Variants in SCYL2 observed in about 807,000 individuals in gnomAD.
The protein encoded by SCYL2 is SCY1-like protein 2.
In SCYL2, 36 loss-of-function variants were observed where a neutral mutation model predicts 100.4. The ratio of observed to expected loss-of-function variants is 0.36; its 90% confidence interval spans 0.27 to 0.47. The LOEUF is 0.47. Among genes scored for constraint, SCYL2 ranks in the 20% least tolerant of loss-of-function variants. The pLI is 1.00. For missense variants in SCYL2, 902 were observed against 1,083.9 expected (o/e 0.83, Z 2.36); for synonymous variants, 330 against 359.2 (o/e 0.92, Z 0.92).
chr12:100,317,549 G>C, intron 9 of SCYL2: 1 of 745,748 alleles, frequency 1.3e-6, no homozygotes, highest in African/African-American at 1.8e-5. Flanking sequence ...GCAAGTGATA[G>C]ATTACTGTAG....
intron 4 of SCYL2, among the ~76,000 whole-genome samples, chr12:100,308,292 G>C (rs1445911430): frequency 6.6e-6 from 1 of 152,176 alleles, no homozygotes; most frequent in Non-Finnish European, 1.5e-5. Context: ...ATACACCATG[G>C]AATACTATGC....
At chr12:100,272,547 T>C (rs914624081) in intron 1 of SCYL2, among the ~76,000 whole-genome samples, 5 of 152,186 alleles carry the variant, frequency 3.3e-5, no homozygotes, top group Admixed American at 6.5e-5. Context: ...TTCTAAGTTT[T>C]TGGCCTGCAT....
chr12:100,301,106 A>T (rs192740371), intron 4 of SCYL2, among the ~76,000 whole-genome samples: 1 of 152,202 alleles, frequency 6.6e-6, no homozygotes, highest in Non-Finnish European at 1.5e-5. Flanking sequence ...ACTAATTTAC[A>T]TCCCCGCCAA....
intron 3 of SCYL2, among the ~76,000 whole-genome samples, chr12:100,292,430 A>G (rs753113607): frequency 1.3e-5 from 2 of 152,112 alleles, no homozygotes; most frequent in Non-Finnish European, 2.9e-5. Context: ...AGGACACAGA[A>G]CTGGCAGGGT....
intron 3 of SCYL2, among the ~76,000 whole-genome samples, chr12:100,294,467 G>T (rs1372762285): frequency 8.7e-6 from 1 of 115,126 alleles, no homozygotes. Flanking sequence ...CCGGGCAGAG[G>T]CGCCCCTCAC....
intron 1 of SCYL2, among the ~76,000 whole-genome samples, chr12:100,271,947 G>A (rs1192062108): frequency 1.3e-5 from 2 of 152,196 alleles, no homozygotes; most frequent in Non-Finnish European, 2.9e-5. Context: ...AGGACTGAAA[G>A]AATTGCCAGT....
chr12:100,284,085 C>G (rs2096301880), intron 2 of SCYL2, among the ~76,000 whole-genome samples: 1 of 152,174 alleles, frequency 6.6e-6, no homozygotes, highest in Non-Finnish European at 1.5e-5. Flanking sequence ...GATTCTAGCA[C>G]AAATTGCTTT....
Position 100,283,088 on chromosome 12 carries a change from A to G in SCYL2, c.118A>G (p.Ser40Gly). 1 of 1,613,076 alleles carries G rather than the reference A, an allele frequency of 6.2e-7. No individual in the cohort carries two copies. Among genetic ancestry groups the G allele is most frequent in the Middle Eastern group, 1.6e-4 (1 of 6,062 alleles). The change falls in exon 2 of 18, where the codon AGT becomes GGT. Residue 40 changes from serine to glycine, a missense_variant. Transcript: ENST00000360820. ...REFDVGRHIA[S>G]GGNGLAWKIF... is the part of the protein sequence containing the mutation. ...ATTTGATGTTGGTCGACACATTGCC[A>G]GTGGTGGCAATGGGCTAGCTTGGAA... is the stretch of plus-strand genomic sequence containing the variant.
intron 4 of SCYL2, 73 bp from the exon 5 acceptor site, chr12:100,310,971 T>A (rs935537945): frequency 8.9e-6 from 12 of 1,344,208 alleles, no homozygotes; most frequent in Non-Finnish European, 1.1e-5. Flanking sequence ...CAATAATTAT[T>A]ATTTTTGTGA....
chr12:100,315,520 A>C, intron 8 of SCYL2, 38 bp from the exon 9 acceptor site: 2 of 1,536,738 alleles, frequency 1.3e-6, no homozygotes, highest in South Asian at 1.3e-5. Context: ...CCTTTAATAA[A>C]TTTTATTTTT....
chr12:100,292,227 T>G (rs1017144665), intron 3 of SCYL2, among the ~76,000 whole-genome samples: 1 of 152,230 alleles, frequency 6.6e-6, no homozygotes, highest in African/African-American at 2.4e-5. Context: ...TAATACTCCT[T>G]TAGATACGCT....
At chr12:100,297,427 G>A (rs1025033973) in intron 3 of SCYL2, among the ~76,000 whole-genome samples, 6 of 152,142 alleles carry the variant, frequency 3.9e-5, no homozygotes, top group Admixed American at 6.5e-5. Flanking sequence ...CATTTTCTGA[G>A]TTTATAAATC....
At chr12:100,297,907 T>C in intron 3 of SCYL2, 124 bp from the exon 4 acceptor site, 1 of 797,832 alleles carries the variant, frequency 1.3e-6, no homozygotes, top group Non-Finnish European at 1.9e-6. Context: ...ATGCTGAAAT[T>C]AACAAATGTA....
chr12:100,316,012 A>G lies in SCYL2; in HGVS notation c.1272+278A>G, dbSNP rs139437859. On this transcript the variant is annotated intron_variant, in intron 9 of 17. Coordinates refer to ENST00000360820, the MANE Select transcript of SCYL2 (RefSeq NM_017988.6). ...GCATGTGTTATACTGTTCTTTATGT[A>G]CCATATATATACTTTGTAGAAAGTT... 1.9e-3 allele frequency among the ~76,000 whole-genome samples: 291 copies of G among 152,318 alleles called. 5 individuals are homozygous for G. The East Asian group carries it at 0.05, about 26-fold the overall frequency.
chr12:100,328,859 T>C (rs1468132355), intron 12 of SCYL2, among the ~76,000 whole-genome samples: 5 of 152,222 alleles, frequency 3.3e-5, no homozygotes, highest in Non-Finnish European at 5.9e-5. Flanking sequence ...TTCTGAAATA[T>C]ATATTTAGAT....
chr12:100,277,876 TTTG>T (rs1309243643), intron 1 of SCYL2, among the ~76,000 whole-genome samples: 3 of 152,142 alleles, frequency 2.0e-5, no homozygotes, highest in Non-Finnish European at 2.9e-5. Flanking sequence ...ACTTTATTAT[TTTG>T]TTGTTATTTT....
intron 4 of SCYL2, among the ~76,000 whole-genome samples, chr12:100,306,802 C>A (rs1235766365): frequency 6.6e-6 from 1 of 152,168 alleles, no homozygotes; most frequent in Admixed American, 6.5e-5. Context: ...AGCAAAGTCT[C>A]AGGATACAAA....
intron 13 of SCYL2, 133 bp downstream of exon 13, chr12:100,329,452 A>G: frequency 2.0e-6 from 1 of 510,922 alleles, no homozygotes; most frequent in Admixed American, 2.9e-5. Context: ...CTAAATGAAG[A>G]AAGTTTGTGG....
intron 1 of SCYL2, among the ~76,000 whole-genome samples, chr12:100,268,967 C>T (rs1187840665): frequency 2.6e-5 from 4 of 152,142 alleles, no homozygotes; most frequent in Non-Finnish European, 5.9e-5. Context: ...TAGTCCTGTT[C>T]CAAGCCACCA....
Sources: allele counts gnomAD v4.1 joint callset (sites outside exome capture counted in the v4.1 genomes callset), GRCh38; gene constraint gnomAD v4.1.1; transcripts MANE v1.5; gene names NCBI Gene and HGNC (gene_info 2026-07-23, HGNC 2026-07-21).